Variants in RMDN2 observed in about 807,000 individuals in gnomAD.
RMDN2 encodes the protein regulator of microtubule dynamics 2.
In RMDN2, 61 loss-of-function variants were observed where a neutral mutation model predicts 52.8. The observed-to-expected ratio is 1.16, with a 90% confidence interval of 0.94 to 1.43. RMDN2 has a LOEUF of 1.43. RMDN2 is among the 40% of genes most tolerant of loss of function. RMDN2 has a pLI of 0.00. For synonymous variants in RMDN2, 180 were observed against 153.1 expected, an observed-to-expected ratio of 1.18 and a Z score of -1.30; for missense variants, 592 against 475.3, an observed-to-expected ratio of 1.25 and a Z score of -2.28.
At chr2:37,950,349 T>C (rs575618131) in intron 2 of RMDN2, 2 of 1,143,414 alleles carry the variant, frequency 1.7e-6, no homozygotes, top group African/African-American at 1.5e-5. Flanking sequence ...TCCACAGCCA[T>C]GTGAATTCCA....
chr2:37,961,200 T>C (rs1384242933), intron 2 of RMDN2, among the ~76,000 whole-genome samples: 3 of 152,104 alleles, frequency 2.0e-5, no homozygotes, highest in Non-Finnish European at 2.9e-5. Flanking sequence ...ATCTTTGTGG[T>C]GTTCTCTGTA....
At chr2:38,001,891 C>T (rs1676372681) in intron 8 of RMDN2, among the ~76,000 whole-genome samples, 1 of 152,166 alleles carries the variant, frequency 6.6e-6, no homozygotes, top group Non-Finnish European at 1.5e-5. Context: ...AGCAGAAGAA[C>T]CAGAATCCAT....
chr2:37,925,391 C>G lies in RMDN2; in HGVS notation c.-51C>G, dbSNP rs993838928. ...GCGCCAGCAGGTCCTGGTCTCCGCT[C>G]TCCAACAGCTGAAAGGCCGGCGCAG... On this transcript the variant is annotated 5_prime_UTR_variant, in exon 1 of 11. Coordinates refer to ENST00000354545, the MANE Select transcript of RMDN2 (RefSeq NM_001170791.3). 3 of 152,398 alleles carry G rather than the reference C, an allele frequency of 2.0e-5. No homozygotes were observed. The highest frequency in any genetic ancestry group is 7.2e-5 in the African/African-American group (3 of 41,452). The allele number at this position is 152,398 out of a possible 1,614,324, so 9.4% of individuals were successfully genotyped here. A position where few individuals can be genotyped will look rare whatever the true frequency, so the allele number is the denominator to read the frequency against.
intron 10 of RMDN2, among the ~76,000 whole-genome samples, chr2:38,058,469 T>C (rs574101193): frequency 6.6e-6 from 1 of 152,304 alleles, no homozygotes; most frequent in South Asian, 2.1e-4. Context: ...TCATCAGCTT[T>C]TCTCAGCTCT....
chr2:37,960,765 A>G (rs865879612), intron 2 of RMDN2, among the ~76,000 whole-genome samples: 2 of 152,138 alleles, frequency 1.3e-5, no homozygotes, highest in Non-Finnish European at 2.9e-5. Flanking sequence ...ACATTAGTTG[A>G]TGCAGTTTTT....
At chr2:37,969,500 T>C (rs1376638404) in intron 2 of RMDN2, among the ~76,000 whole-genome samples, 1 of 151,560 alleles carries the variant, frequency 6.6e-6, no homozygotes, top group African/African-American at 2.4e-5. Flanking sequence ...TATAAAATTA[T>C]ATTTTCTTGT....
intron 8 of RMDN2, among the ~76,000 whole-genome samples, chr2:37,999,953 A>G (rs573424703): frequency 6.6e-6 from 1 of 152,318 alleles, no homozygotes; most frequent in African/African-American, 2.4e-5. Flanking sequence ...AATGGCCATA[A>G]TAATACCTAC....
chr2:38,021,341 G>A (rs1679359606), downstream of RMDN2, among the ~76,000 whole-genome samples: 1 of 152,188 alleles, frequency 6.6e-6, no homozygotes, highest in African/African-American at 2.4e-5. Flanking sequence ...CCAGAGAAGA[G>A]AATAAAAGGC....
In RMDN2 at chr2:37,966,143, C is replaced by T. The variant is rs186847485; in HGVS notation, c.453-7897C>T. ...TTTGTTAAGTTATTGCATTTGTGGCCGGGCGTGGTGGCTCACGCCTGTAAT... is the reference window on the plus strand; with the variant it reads ...TTTGTTAAGTTATTGCATTTGTGGCTGGGCGTGGTGGCTCACGCCTGTAAT... On this transcript the variant is annotated intron_variant, in intron 2 of 10. Coordinates refer to ENST00000354545, the MANE Select transcript of RMDN2 (RefSeq NM_001170791.3). Among the ~76,000 whole-genome samples, 61 of 152,046 alleles carry T rather than the reference C, an allele frequency of 4.0e-4. No individual in the cohort carries two copies. In the East Asian group the frequency reaches 9.1e-3, roughly 23 times the overall value.
intron 2 of RMDN2, among the ~76,000 whole-genome samples, chr2:37,940,108 C>CTGTAAAGGGTTTTATTTCTTCT: frequency 6.6e-6 from 1 of 152,156 alleles, no homozygotes; most frequent in Non-Finnish European, 1.5e-5. Context: ...ATTTGCTTGT[C>CTGTAAAGGGTTTTATTTCTTCT]TGTAAAGGGT....
At chr2:37,981,692 C>T (rs1374790445) in intron 5 of RMDN2, among the ~76,000 whole-genome samples, 2 of 152,202 alleles carry the variant, frequency 1.3e-5, no homozygotes, top group East Asian at 3.9e-4. Flanking sequence ...TAGAAAAGCA[C>T]ATCAACCATT....
At chr2:38,010,670 A>G (rs116764672) in intron 10 of RMDN2, among the ~76,000 whole-genome samples, 2,370 of 152,230 alleles carry the variant, frequency 0.016, 54 homozygotes, top group African/African-American at 0.054. Context: ...AGGTGAGGCA[A>G]TGTCTTGCCC....
chr2:37,973,508 C>T (rs1039549768), intron 2 of RMDN2, among the ~76,000 whole-genome samples: 4 of 152,002 alleles, frequency 2.6e-5, no homozygotes, highest in Non-Finnish European at 5.9e-5. Flanking sequence ...TGACAAACAG[C>T]ACATGTAGTA....
At chr2:38,039,152 A>T (rs1454714270) in intron 10 of RMDN2, among the ~76,000 whole-genome samples, 1 of 152,144 alleles carries the variant, frequency 6.6e-6, no homozygotes, top group African/African-American at 2.4e-5. Context: ...TTTTAACTAT[A>T]TTCATATGGA....
chr2:37,951,746 C>A (rs1240788051), intron 2 of RMDN2: 1 of 1,612,748 alleles, frequency 6.2e-7, no homozygotes, highest in Non-Finnish European at 8.5e-7. Flanking sequence ...ATATAACCAT[C>A]TCTGCTCCTG....
In RMDN2 at chr2:37,991,240, CA is replaced by C; in HGVS notation, c.891del (p.Lys297AsnfsTer23). On this transcript the variant is annotated frameshift_variant, in exon 7 of 11. Coordinates refer to ENST00000354545, the MANE Select transcript of RMDN2 (RefSeq NM_001170791.3). LOFTEE classifies it high-confidence loss of function. Reference protein sequence around the residue: ...LFKEHLDIAIKLLPEEPFLYY... With the variant: ...LFKEHLDIAIXLLPEEPFLYY... Reference sequence around the variant, plus strand: ...TTCAGGAACATCTAGATATAGCAATCAAACTTTTACCAGAGGAACCCTTTCT... The same window carrying C: ...TTCAGGAACATCTAGATATAGCAATCAACTTTTACCAGAGGAACCCTTTCT... The C allele has an allele frequency of 6.3e-7, 1 of 1,588,488 alleles. No homozygotes were observed. The highest frequency in any genetic ancestry group is 8.6e-7 in the Non-Finnish European group (1 of 1,165,674).
At chr2:37,944,892 G>C (rs1668096379) in intron 2 of RMDN2, among the ~76,000 whole-genome samples, 1 of 152,072 alleles carries the variant, frequency 6.6e-6, no homozygotes, top group Non-Finnish European at 1.5e-5. Flanking sequence ...CCAATACAGA[G>C]GGCAAGAGTA....
In RMDN2 at chr2:37,973,990, C is replaced by A. The variant is rs778655370; in HGVS notation, c.453-50C>A. 1.5e-4 allele frequency: 215 copies of A among 1,399,180 alleles called. No individual in the cohort carries two copies. In the South Asian group the frequency reaches 2.1e-3, roughly 14 times the overall value. 86.7% of individuals were successfully genotyped at this position (1,399,180 alleles called of 1,614,324 possible). A position where few individuals can be genotyped will look rare whatever the true frequency, so the allele number is the denominator to read the frequency against. On this transcript the variant is annotated intron_variant, in intron 2 of 10. Transcript: ENST00000354545. Reference sequence around the variant, plus strand: ...TTGCATTTTAAAAGGAATGCTCTGGCTATTATACTTAACTTTCAAAGGAGT... The same window carrying A: ...TTGCATTTTAAAAGGAATGCTCTGGATATTATACTTAACTTTCAAAGGAGT...
chr2:37,933,060 G>A (rs1051611046), intron 2 of RMDN2, among the ~76,000 whole-genome samples: 3 of 151,648 alleles, frequency 2.0e-5, no homozygotes, highest in Non-Finnish European at 2.9e-5. Flanking sequence ...CTTCTCAGAT[G>A]GGGCGGTTGC....
Sources: allele counts gnomAD v4.1 joint callset (sites outside exome capture counted in the v4.1 genomes callset), GRCh38; gene constraint gnomAD v4.1.1; transcripts MANE v1.5; gene names NCBI Gene and HGNC (gene_info 2026-07-23, HGNC 2026-07-21).